Variants in ZBTB44 observed in about 807,000 individuals in gnomAD.
ZBTB44 encodes zinc finger and BTB domain-containing protein 44.
In ZBTB44, 15 loss-of-function variants were observed where a neutral mutation model predicts 54.0. The observed-to-expected ratio is 0.28, with a 90% CI of 0.19 to 0.43. The LOEUF (loss-of-function observed/expected upper bound fraction) is 0.43. ZBTB44 is among the 20% of genes least tolerant of loss of function. The pLI is 1.00. For synonymous variants in ZBTB44, 230 were observed against 250.1 expected (o/e 0.92, Z 0.76); for missense variants, 487 against 707.1 (o/e 0.69, Z 3.53).
chr11:130,232,653 A>G (rs1318703155), intron 7 of ZBTB44: 1 of 152,252 alleles, frequency 6.6e-6, no homozygotes, highest in Non-Finnish European at 1.5e-5. Flanking sequence ...TGCAATGTCT[A>G]AAAATAAATA....
intron 2 of ZBTB44, among the ~76,000 whole-genome samples, chr11:130,252,916 A>AG (rs1425083317): frequency 2.6e-5 from 4 of 152,232 alleles, no homozygotes; most frequent in Non-Finnish European, 5.9e-5. Context: ...AACATATGCA[A>AG]ATCAATAAAC....
intron 5 of ZBTB44, chr11:130,236,162 A>T: frequency 2.3e-6 from 3 of 1,288,110 alleles, no homozygotes; most frequent in Non-Finnish European, 3.0e-6. Flanking sequence ...TGACAGGTTT[A>T]ATCAACAGCA....
At chr11:130,271,933 CA>C (rs1261853241) in intron 1 of ZBTB44, among the ~76,000 whole-genome samples, 5 of 152,160 alleles carry the variant, frequency 3.3e-5, no homozygotes, top group Middle Eastern at 3.4e-3. Context: ...ATATTCCCAT[CA>C]AGAGTGTATG....
In ZBTB44 at chr11:130,228,827, A is replaced by G. The variant is rs1227927882; in HGVS notation, c.*2937T>C. The G allele has an allele frequency of 6.6e-6, 1 of 152,234 alleles. No homozygotes were observed. Among genetic ancestry groups the G allele is most frequent in the Non-Finnish European group, 1.5e-5 (1 of 68,044 alleles). The allele number at this position is 152,234 out of a possible 1,614,324, so 9.4% of individuals were successfully genotyped here. A position where few individuals can be genotyped will look rare whatever the true frequency, so the allele number is the denominator to read the frequency against. The stretch of plus-strand genomic sequence containing the variant: ...ACCACTAGGCACCAATTTTATCAGT[A>G]TATCGCCACAACCGTGCCTGGGACT... On this transcript the variant is annotated 3_prime_UTR_variant, in exon 8 of 8. Coordinates refer to ENST00000357899, the MANE Select transcript of ZBTB44 (RefSeq NM_001301098.2).
chr11:130,307,977 C>T (rs144064431), intron 1 of ZBTB44, among the ~76,000 whole-genome samples: 2,106 of 152,280 alleles, frequency 0.014, 37 homozygotes, highest in African/African-American at 0.04. Flanking sequence ...CCACCCGCCT[C>T]CGCCTCCCAA....
rs369408140 is a variant in ZBTB44, at chr11:130,234,258, C to T, written c.1584G>A (p.Pro528=). The part of the protein sequence containing the change: ...NYFQSSDFLV[P]DYLNQEQEET... The stretch of plus-strand genomic sequence containing the variant: ...CTTCTTGTTCCTGGTTTAAGTAGTC[C>T]GGTACTAGGAAATCACTAGATAAGA... Residue 528 remains proline (P), a synonymous_variant, in exon 6 of 8, where the codon CCG becomes CCA. Coordinates refer to ENST00000357899, the MANE Select transcript of ZBTB44 (RefSeq NM_001301098.2). 22 of 1,532,550 alleles carry T rather than the reference C, an allele frequency of 1.4e-5. No homozygotes were observed. Among genetic ancestry groups the T allele is most frequent in the African/African-American group, 2.8e-5 (2 of 71,842 alleles). The allele number at this position is 1,532,550 out of a possible 1,614,324, so 94.9% of individuals were successfully genotyped here. A position where few individuals can be genotyped will look rare whatever the true frequency, so the allele number is the denominator to read the frequency against.
chr11:130,236,741 A>G, intron 5 of ZBTB44, 52 bp downstream of exon 5: 1 of 1,332,236 alleles, frequency 7.5e-7, no homozygotes, highest in Non-Finnish European at 9.6e-7. Flanking sequence ...AAAGCAGGAA[A>G]AGAGAGTTTA....
chr11:130,227,083 CACTT>C lies in ZBTB44; in HGVS notation c.*4677_*4680del, dbSNP rs1953719825. On this transcript the variant is annotated 3_prime_UTR_variant, in exon 8 of 8. Coordinates refer to ENST00000357899, the MANE Select transcript of ZBTB44 (RefSeq NM_001301098.2). Reference sequence around the variant, plus strand: ...AAAAATGATTGTAACGTTGAAACGGCACTTAGTTTACAAAAAAGGTCACAAAAAT... The same window carrying C: ...AAAAATGATTGTAACGTTGAAACGGCAGTTTACAAAAAAGGTCACAAAAAT... 6.6e-6 allele frequency: 1 copy of C among 151,914 alleles called. No individual in the cohort carries two copies. The highest frequency in any genetic ancestry group is 1.5e-5 in the Non-Finnish European group (1 of 68,018). The allele number at this position is 151,914 out of a possible 1,614,324, so 9.4% of individuals were successfully genotyped here.
At chr11:130,270,282 T>C (rs1406629186) in intron 1 of ZBTB44, among the ~76,000 whole-genome samples, 1 of 152,204 alleles carries the variant, frequency 6.6e-6, no homozygotes, top group Non-Finnish European at 1.5e-5. Flanking sequence ...GCTTATATTC[T>C]AATTAAAACC....
chr11:130,249,708 A>C (rs912503291), intron 2 of ZBTB44, among the ~76,000 whole-genome samples: 8 of 152,340 alleles, frequency 5.3e-5, no homozygotes, highest in African/African-American at 1.9e-4. Flanking sequence ...GAAAGCAGTG[A>C]GGGACTGTGC....
At chr11:130,295,846 AT>A (rs1941607676) in intron 1 of ZBTB44, 1 of 1,400,748 alleles carries the variant, frequency 7.1e-7, no homozygotes, top group Admixed American at 1.7e-5. Context: ...AGCCATGCAA[AT>A]TTTTGGTGTT....
At chr11:130,298,717 C>G (rs1941816303) in intron 1 of ZBTB44, among the ~76,000 whole-genome samples, 2 of 151,866 alleles carry the variant, frequency 1.3e-5, no homozygotes, top group Non-Finnish European at 1.5e-5. Context: ...CTTGCCTCAG[C>G]CTCCCAAAGT....
At chr11:130,239,097 G>A (rs533282240) in intron 3 of ZBTB44, 1 of 153,018 alleles carries the variant, frequency 6.5e-6, no homozygotes, top group South Asian at 2.1e-4. Flanking sequence ...AGTAGACAGG[G>A]ATATATTTTA....
intron 1 of ZBTB44, among the ~76,000 whole-genome samples, chr11:130,306,445 T>C (rs1052498564): frequency 6.6e-6 from 1 of 151,498 alleles, no homozygotes; most frequent in Non-Finnish European, 1.5e-5. Context: ...GAGGTTGCAG[T>C]GAGCCGAGAT....
chr11:130,292,924 T>A (rs1279612927), intron 1 of ZBTB44, among the ~76,000 whole-genome samples: 1 of 152,216 alleles, frequency 6.6e-6, no homozygotes, highest in Non-Finnish European at 1.5e-5. Context: ...CAGTACCTCA[T>A]ATTTTATATT....
intron 5 of ZBTB44, among the ~76,000 whole-genome samples, chr11:130,235,609 T>C (rs1181013210): frequency 6.6e-6 from 1 of 151,986 alleles, no homozygotes. Context: ...TGATTGTGTC[T>C]ATGAACAGCC....
intron 1 of ZBTB44, among the ~76,000 whole-genome samples, chr11:130,271,600 A>G (rs930632165): frequency 7.9e-5 from 12 of 152,224 alleles, no homozygotes; most frequent in Admixed American, 5.9e-4. Flanking sequence ...ATGGAATCAT[A>G]TAATAATGTG....
At chr11:130,311,196 G>A (rs562339216) in intron 1 of ZBTB44, among the ~76,000 whole-genome samples, 1 of 152,190 alleles carries the variant, frequency 6.6e-6, no homozygotes, top group South Asian at 2.1e-4. Context: ...TACAGTGGGA[G>A]AAAGCAAATA....
At chr11:130,244,453 G>T (rs1212166357) in intron 2 of ZBTB44, among the ~76,000 whole-genome samples, 1 of 152,010 alleles carries the variant, frequency 6.6e-6, no homozygotes, top group Non-Finnish European at 1.5e-5. Flanking sequence ...GGATCACAAG[G>T]TCAGGAGATC....
Sources: gnomAD v4.1 joint callset for allele counts (sites outside exome capture counted in the v4.1 genomes callset) on GRCh38, gnomAD v4.1.1 for gene constraint, MANE v1.5 for transcripts, NCBI Gene and HGNC (gene_info 2026-07-23, HGNC 2026-07-21) for gene names.